Variants in RUFY1 observed in about 807,000 individuals in gnomAD.
RUFY1 encodes the protein RUN and FYVE domain containing 1, also known as RUN and FYVE domain-containing protein 1.
A neutral mutation model predicts 94.6 loss-of-function variants in RUFY1; 54 were observed. The observed-to-expected ratio is 0.57, with a 90% CI of 0.46 to 0.72. The LOEUF (loss-of-function observed/expected upper bound fraction) is 0.72. Among genes scored for constraint, RUFY1 ranks in the 30% least tolerant of loss-of-function variants. The probability of loss-of-function intolerance (pLI) is 0.00; values close to 1 mark genes in which losing one functional copy is unlikely to be tolerated. For synonymous variants in RUFY1, 396 were observed against 347.3 expected, an observed-to-expected ratio of 1.14 and a Z score of -1.56; for missense variants, 883 against 883.9, an observed-to-expected ratio of 1.00 and a Z score of 0.01.
chr5:179,569,232 C>T, intron 4 of RUFY1, 70 bp from the exon 5 acceptor site: 1 of 1,609,324 alleles, frequency 6.2e-7, no homozygotes, highest in African/African-American at 1.3e-5. Context: ...AAAGGCAGTT[C>T]AGGGTGGGGA....
chr5:179,562,760 G>A (rs1762546610), intron 3 of RUFY1, 96 bp downstream of exon 3: 1 of 730,126 alleles, frequency 1.4e-6, no homozygotes, highest in Non-Finnish European at 2.5e-6. Flanking sequence ...CTTTCTAATT[G>A]GAAAGAGCTC....
At chr5:179,569,217 G>A (rs1005575451) in intron 4 of RUFY1, 85 bp from the exon 5 acceptor site, 31 of 1,604,078 alleles carry the variant, frequency 1.9e-5, no homozygotes, top group Non-Finnish European at 2.3e-5. Flanking sequence ...CCAGGGCACA[G>A]GTGAAAAGGC....
rs139666799 is a variant in RUFY1, at chr5:179,575,122, T to C, written c.829-1953T>C. 7.2e-4 allele frequency among the ~76,000 whole-genome samples: 108 copies of C among 150,374 alleles called. No homozygotes were observed. The Middle Eastern group carries it at 0.031, about 43-fold the overall frequency. On this transcript the variant is annotated intron_variant, in intron 5 of 17. Coordinates refer to ENST00000319449, the MANE Select transcript of RUFY1 (RefSeq NM_025158.5). ...ATTTTTCTAGAAGCTTTTCTACTTTTTCTATACATTTATGTTCACGTAGGT... is the reference window on the plus strand; with the variant it reads ...ATTTTTCTAGAAGCTTTTCTACTTTCTCTATACATTTATGTTCACGTAGGT...
At position 179,593,692 on chromosome 5, in the gene RUFY1, C is replaced by A. The variant is rs1263751866; in HGVS notation, c.1413+47C>A. The A allele has an allele frequency of 4.4e-6, 7 of 1,591,616 alleles. No individual in the cohort carries two copies. In the South Asian group the frequency reaches 8.0e-5, roughly 18 times the overall value. The stretch of plus-strand genomic sequence containing the variant: ...ATGGCACAGCCTGGTTTCTGCTGCT[C>A]GCCAGTCTTGTGTCATTCTTCTTAC... On this transcript the variant is annotated intron_variant, in intron 11 of 17. Coordinates refer to ENST00000319449, the MANE Select transcript of RUFY1 (RefSeq NM_025158.5).
At position 179,579,520 on chromosome 5, in the gene RUFY1, C is replaced by T. The variant is rs13355040; in HGVS notation, c.891-1427C>T. Among the ~76,000 whole-genome samples, 1,092 of 151,674 alleles carry T rather than the reference C, an allele frequency of 7.2e-3. 16 individuals carry two copies. Among genetic ancestry groups the T allele is most frequent in the African/African-American group, 0.025 (1,045 of 41,362 alleles). ...TAATTTTTTGTATTTTTAGTAGAGA[C>T]GGGGTTTTGCCATGTTGGCCAGGCT... On this transcript the variant is annotated intron_variant, in intron 6 of 17. Transcript: ENST00000319449.
At chr5:179,571,933 C>G (rs1763255208) in intron 5 of RUFY1, among the ~76,000 whole-genome samples, 1 of 151,554 alleles carries the variant, frequency 6.6e-6, no homozygotes, top group African/African-American at 2.4e-5. Flanking sequence ...AATTTTTTTT[C>G]TGGTTTCTCA....
At chr5:179,582,122 G>C (rs1764210616) in intron 7 of RUFY1, among the ~76,000 whole-genome samples, 1 of 152,014 alleles carries the variant, frequency 6.6e-6, no homozygotes, top group African/African-American at 2.4e-5. Context: ...TGTAATCATG[G>C]TTTTCATCCC....
intron 15 of RUFY1, among the ~76,000 whole-genome samples, chr5:179,605,294 A>AG (rs971072768): frequency 9.2e-5 from 14 of 151,448 alleles, no homozygotes; most frequent in Non-Finnish European, 1.8e-4. Flanking sequence ...AAAAAAAAAA[A>AG]GGATCAGACT....
intron 1 of RUFY1, among the ~76,000 whole-genome samples, chr5:179,557,029 T>C (rs879543483): frequency 6.6e-6 from 1 of 152,212 alleles, no homozygotes; most frequent in Non-Finnish European, 1.5e-5. Flanking sequence ...TGTTCCCTTA[T>C]TTTCATTCAA....
In RUFY1 at chr5:179,556,546, C is replaced by G. The variant is rs184007883; in HGVS notation, c.311-3479C>G. Among the ~76,000 whole-genome samples, 451 of 151,558 alleles carry G rather than the reference C, an allele frequency of 3.0e-3. 1 individual carries two copies. The highest frequency in any genetic ancestry group is 0.01 in the African/African-American group (429 of 41,326). On this transcript the variant is annotated intron_variant, in intron 1 of 17. Coordinates refer to ENST00000319449, the MANE Select transcript of RUFY1 (RefSeq NM_025158.5). The stretch of plus-strand genomic sequence containing the variant: ...AGAAGGGTCTCACTCTGTTGCCCAG[C>G]CTGGAATGCAGTGGCGCAATCTCGG...
chr5:179,559,936 C>T, intron 1 of RUFY1, 89 bp from the exon 2 acceptor site: 3 of 1,504,372 alleles, frequency 2.0e-6, no homozygotes, highest in Non-Finnish European at 2.7e-6. Flanking sequence ...GCCTGGCCTC[C>T]TGCCTGACCC....
At chr5:179,585,893 A>T (rs1363435737) in intron 8 of RUFY1, 28 bp downstream of exon 8, 1 of 1,546,980 alleles carries the variant, frequency 6.5e-7, no homozygotes, top group South Asian at 1.1e-5. Context: ...AAATTTTTAG[A>T]CAAAACAGAA....
chr5:179,560,333 A>G (rs1405464884), intron 2 of RUFY1, 135 bp downstream of exon 2: 31 of 1,115,564 alleles, frequency 2.8e-5, no homozygotes, highest in Non-Finnish European at 3.9e-5. Flanking sequence ...TCCTGTATTC[A>G]GAAGCGACGT....
chr5:179,560,586 C>T (rs950547818), intron 2 of RUFY1, among the ~76,000 whole-genome samples: 5 of 150,616 alleles, frequency 3.3e-5, no homozygotes, highest in Admixed American at 1.3e-4. Flanking sequence ...ATTAGCTGGG[C>T]GTGGTAGCGG....
chr5:179,570,157 T>C (rs1041378864), intron 5 of RUFY1, among the ~76,000 whole-genome samples: 22 of 151,834 alleles, frequency 1.4e-4, no homozygotes, highest in African/African-American at 5.1e-4. Flanking sequence ...GGATTACAGG[T>C]GTGAGCCACT....
At chr5:179,605,129 A>T (rs1766925397) in intron 15 of RUFY1, among the ~76,000 whole-genome samples, 1 of 152,068 alleles carries the variant, frequency 6.6e-6, no homozygotes, top group Non-Finnish European at 1.5e-5. Context: ...AAATACAAAA[A>T]TTAGCCAGGC....
chr5:179,559,611 T>C (rs901576854), intron 1 of RUFY1: 2 of 957,386 alleles, frequency 2.1e-6, no homozygotes, highest in South Asian at 4.4e-5. Context: ...AATAGGAATG[T>C]TTGGGGGCGG....
At chr5:179,586,566 G>A (rs1764619507) in intron 8 of RUFY1, 1 of 401,254 alleles carries the variant, frequency 2.5e-6, no homozygotes, top group East Asian at 7.2e-5. Context: ...GCATGGAGGT[G>A]GGTTACAGCA....
intron 1 of RUFY1, among the ~76,000 whole-genome samples, chr5:179,559,371 C>T (rs1339192129): frequency 6.6e-6 from 1 of 152,186 alleles, no homozygotes; most frequent in Non-Finnish European, 1.5e-5. Flanking sequence ...ACAAAGTGTG[C>T]GTAAAACCTA....
Sources: gnomAD v4.1 joint callset for allele counts (sites outside exome capture counted in the v4.1 genomes callset) on GRCh38, gnomAD v4.1.1 for gene constraint, MANE v1.5 for transcripts, NCBI Gene and HGNC (gene_info 2026-07-23, HGNC 2026-07-21) for gene names.